Variants in TENM2 observed in about 807,000 individuals in gnomAD.
TENM2 encodes teneurin-2.
Under a neutral mutation model 245.2 loss-of-function variants are expected in TENM2, and 52 were observed. The ratio of observed to expected loss-of-function variants is 0.21; its 90% CI spans 0.17 to 0.27. TENM2 has a LOEUF of 0.27. TENM2 is among the 10% of genes least tolerant of loss of function. The pLI is 1.00. For synonymous variants in TENM2, 1,363 were observed against 1,438.9 expected (o/e 0.95, Z 1.19); for missense variants, 3,046 against 3,666.8 (o/e 0.83, Z 4.37).
chr5:167,928,757 G>A (rs926303244), intron 3 of TENM2, among the ~76,000 whole-genome samples: 3 of 151,530 alleles, frequency 2.0e-5, no homozygotes, highest in South Asian at 2.1e-4. Flanking sequence ...TTAGCTAGAT[G>A]TGGTGGTGCG....
chr5:168,098,529 C>T lies in TENM2; in HGVS notation c.1813+402C>T, dbSNP rs938917194. Among the ~76,000 whole-genome samples, 6 of 152,000 alleles carry T rather than the reference C, an allele frequency of 3.9e-5. No homozygotes were observed. The East Asian group carries it at 9.6e-4, about 24-fold the overall frequency. On this transcript the variant is annotated intron_variant, in intron 9 of 28. Coordinates refer to ENST00000518659, the Ensembl canonical transcript of TENM2. ...CCAGCTACACTCTTAATCTAGGAAGCGCTATTTATCTTGGTGGAATCGGTT... is the reference window on the plus strand; with the variant it reads ...CCAGCTACACTCTTAATCTAGGAAGTGCTATTTATCTTGGTGGAATCGGTT...
the TENM2 span, among the ~76,000 whole-genome samples, chr5:167,190,772 A>G: frequency 6.6e-6 from 1 of 152,004 alleles, no homozygotes; most frequent in Admixed American, 6.6e-5. Context: ...GGCCCATTTC[A>G]CCAATTCATG....
chr5:167,353,705 C>T (rs1395826454), intron 1 of TENM2, among the ~76,000 whole-genome samples: 1 of 151,532 alleles, frequency 6.6e-6, no homozygotes, highest in African/African-American at 2.4e-5. Flanking sequence ...GACGGGGTTT[C>T]ACCGTTTTAG....
At chr5:168,034,635 G>A (rs1163086012) in intron 5 of TENM2, among the ~76,000 whole-genome samples, 3 of 151,904 alleles carry the variant, frequency 2.0e-5, no homozygotes, top group Non-Finnish European at 4.4e-5. Flanking sequence ...ACCAGGAATG[G>A]TGACGCATAC....
At chr5:167,470,453 G>GTTTTTTTTTTTTTTTTTTTTTTT (rs1766938434) in intron 2 of TENM2, among the ~76,000 whole-genome samples, 1 of 10,818 alleles carries the variant, frequency 9.2e-5, no homozygotes, top group Non-Finnish European at 1.8e-4. Flanking sequence ...GGCAATGCTT[G>GTTTTTTTTTTTTTTTTTTTTTTT]CTTTTTTTTT....
intron 1 of TENM2, among the ~76,000 whole-genome samples, chr5:167,343,980 T>C (rs1758286257): frequency 1.3e-5 from 2 of 151,830 alleles, no homozygotes; most frequent in South Asian, 2.1e-4. Context: ...CTCCTCTAAC[T>C]AATTTGTCTT....
At chr5:167,279,461 C>CCTTCCCTT in the TENM2 span, among the ~76,000 whole-genome samples, 2 of 151,166 alleles carry the variant, frequency 1.3e-5, no homozygotes, top group African/African-American at 2.4e-5. Context: ...TATCTTTCTT[C>CCTTCCCTT]CTTCCCTTCT....
chr5:167,320,701 T>A (rs1417174421), intron 1 of TENM2, among the ~76,000 whole-genome samples: 1 of 152,164 alleles, frequency 6.6e-6, no homozygotes, highest in Non-Finnish European at 1.5e-5. Flanking sequence ...CCTTCCAACA[T>A]GTTGATGACA....
At chr5:168,025,613 T>C (rs1361057343) in intron 5 of TENM2, among the ~76,000 whole-genome samples, 1 of 152,130 alleles carries the variant, frequency 6.6e-6, no homozygotes. Context: ...ACAGGTAGGG[T>C]TTCCTTCCAT....
At chr5:167,209,585 T>C in the TENM2 span, among the ~76,000 whole-genome samples, 2 of 152,192 alleles carry the variant, frequency 1.3e-5, no homozygotes, top group East Asian at 1.9e-4. Flanking sequence ...CCTCAACTTA[T>C]ATTGACTGCT....
the TENM2 span, among the ~76,000 whole-genome samples, chr5:167,015,306 C>T: frequency 0.4 from 60,809 of 151,930 alleles, 12,407 homozygotes; most frequent in Middle Eastern, 0.44. Context: ...ATATTTTTGT[C>T]ATATCATTGC....
intron 2 of TENM2, among the ~76,000 whole-genome samples, chr5:167,772,715 A>G (rs1289852912): frequency 6.6e-6 from 1 of 152,122 alleles, no homozygotes; most frequent in Non-Finnish European, 1.5e-5. Context: ...TTAAGCACCT[A>G]TAATAGCCAG....
intron 2 of TENM2, among the ~76,000 whole-genome samples, chr5:167,443,614 T>C (rs1188486760): frequency 6.6e-6 from 1 of 152,230 alleles, no homozygotes; most frequent in East Asian, 1.9e-4. Flanking sequence ...AGATGGATTA[T>C]AATTGTTGGA....
At chr5:168,031,917 T>C (rs1449468762) in intron 5 of TENM2, among the ~76,000 whole-genome samples, 1 of 152,118 alleles carries the variant, frequency 6.6e-6, no homozygotes, top group African/African-American at 2.4e-5. Context: ...GTCTGCTGCT[T>C]CCAAAGCTAC....
At chr5:166,996,686 G>A in the TENM2 span, among the ~76,000 whole-genome samples, 1 of 152,174 alleles carries the variant, frequency 6.6e-6, no homozygotes, top group Non-Finnish European at 1.5e-5. Flanking sequence ...CCTGCTTTGC[G>A]ATTGTTATGT....
intron 12 of TENM2, among the ~76,000 whole-genome samples, chr5:168,151,834 G>A (rs1020122956): frequency 1.3e-5 from 2 of 152,196 alleles, no homozygotes; most frequent in Admixed American, 6.5e-5. Context: ...CTTCATCTCT[G>A]TCCCCACCTC....
intron 1 of TENM2, among the ~76,000 whole-genome samples, chr5:167,317,831 C>T (rs915906384): frequency 2.0e-5 from 3 of 151,984 alleles, no homozygotes; most frequent in African/African-American, 7.2e-5. Flanking sequence ...TCTGAGGGTT[C>T]AGGTTGATAA....
In TENM2 at chr5:167,353,500, G is replaced by GTTTTTTT. The variant is rs59240930; in HGVS notation, c.227-21679_227-21673dup. Among the ~76,000 whole-genome samples the GTTTTTTT allele has an allele frequency of 9.5e-3, 755 of 79,436 alleles. 7 individuals carry two copies. Among genetic ancestry groups the GTTTTTTT allele is most frequent in the Middle Eastern group, 0.024 (1 of 42 alleles). The allele number at this position is 79,436 out of a possible 152,430, so 52.1% of individuals were successfully genotyped here. ...TATGGTGTTTTTTGTTGTTGTTGTT[G>GTTTTTTT]TTTTTTTTTTTTTTTTTTTTTTTTT... On this transcript the variant is annotated intron_variant, in intron 1 of 28. Transcript: ENST00000518659.
intron 5 of TENM2, among the ~76,000 whole-genome samples, chr5:168,040,017 C>T (rs1788046069): frequency 6.6e-6 from 1 of 152,194 alleles, no homozygotes; most frequent in South Asian, 2.1e-4. Flanking sequence ...ACTGTACCAT[C>T]CTGAGCCTGT....
Sources: allele counts gnomAD v4.1 joint callset (sites outside exome capture counted in the v4.1 genomes callset), GRCh38; gene constraint gnomAD v4.1.1; transcripts MANE v1.5; gene names NCBI Gene and HGNC (gene_info 2026-07-23, HGNC 2026-07-21).